MGAT4A: variants seen among roughly 807,000 people sequenced by gnomAD.
MGAT4A encodes alpha-1,3-mannosyl-glycoprotein 4-beta-N-acetylglucosaminyltransferase A.
A neutral mutation model predicts 74.1 loss-of-function variants in MGAT4A; 33 were observed. That is an observed-to-expected ratio of 0.45 (90% CI 0.34 to 0.60). MGAT4A has a LOEUF of 0.60. Among genes scored for constraint, MGAT4A ranks in the 20% least tolerant of loss-of-function variants. The pLI is 0.02. For missense variants in MGAT4A, 479 were observed against 628.3 expected, an observed-to-expected ratio of 0.76 and a Z score of 2.54; for synonymous variants, 198 against 210.4, an observed-to-expected ratio of 0.94 and a Z score of 0.51.
At chr2:98,644,546 T>C (rs1189849877) in intron 9 of MGAT4A, among the ~76,000 whole-genome samples, 1 of 152,222 alleles carries the variant, frequency 6.6e-6, no homozygotes, top group Non-Finnish European at 1.5e-5. Context: ...ATGCTTAAAG[T>C]GTTAAAAAGT....
chr2:98,697,108 TATAA>T (rs1264947386), intron 2 of MGAT4A, among the ~76,000 whole-genome samples: 1 of 152,162 alleles, frequency 6.6e-6, no homozygotes, highest in Non-Finnish European at 1.5e-5. Context: ...CTAAAAGTAA[TATAA>T]ATAGTCTAAA....
chr2:98,661,468 A>T (rs1393547611), intron 5 of MGAT4A, among the ~76,000 whole-genome samples: 1 of 152,208 alleles, frequency 6.6e-6, no homozygotes, highest in Non-Finnish European at 1.5e-5. Flanking sequence ...ATGTATGTGT[A>T]TATATAACTG....
chr2:98,679,890 G>C (rs1490645851), intron 2 of MGAT4A, among the ~76,000 whole-genome samples: 2 of 152,124 alleles, frequency 1.3e-5, no homozygotes, highest in Non-Finnish European at 2.9e-5. Flanking sequence ...TCATTTACTT[G>C]CCTGGAGGTA....
chr2:98,696,846 ACATT>A (rs1702281659), intron 2 of MGAT4A, among the ~76,000 whole-genome samples: 1 of 152,238 alleles, frequency 6.6e-6, no homozygotes, highest in Admixed American at 6.5e-5. Context: ...GCATACCCAT[ACATT>A]AAGAAACGGG....
chr2:98,645,006 AC>A (rs1701464912), intron 9 of MGAT4A, among the ~76,000 whole-genome samples: 1 of 152,222 alleles, frequency 6.6e-6, no homozygotes, highest in African/African-American at 2.4e-5. Flanking sequence ...GAGTGCCCCA[AC>A]TAGTTAAGAG....
intron 11 of MGAT4A, 37 bp from the exon 12 acceptor site, chr2:98,640,038 C>T: frequency 6.4e-7 from 1 of 1,555,336 alleles, no homozygotes; most frequent in Non-Finnish European, 8.8e-7. Context: ...AAATAATACA[C>T]AGCTTATTTA....
chr2:98,650,801 AT>A (rs1323646241), intron 8 of MGAT4A, among the ~76,000 whole-genome samples: 10 of 152,128 alleles, frequency 6.6e-5, no homozygotes, highest in Admixed American at 5.9e-4. Flanking sequence ...AAATACAAAA[AT>A]TAGCTGGGTG....
chr2:98,655,553 A>T, intron 7 of MGAT4A, 33 bp from the exon 8 acceptor site: 1 of 1,429,236 alleles, frequency 7.0e-7, no homozygotes, highest in East Asian at 2.3e-5. Context: ...GTAAGTTAGG[A>T]ATCAGACTCA....
At position 98,684,117 on chromosome 2, in the gene MGAT4A, C is replaced by T. The variant is rs114935835; in HGVS notation, c.95-5646G>A. Among the ~76,000 whole-genome samples, 742 of 152,254 alleles carry T rather than the reference C, an allele frequency of 4.9e-3. 2 individuals carry two copies. Among genetic ancestry groups the T allele is most frequent in the Non-Finnish European group, 9.0e-3 (614 of 68,020 alleles). On this transcript the variant is annotated intron_variant, in intron 2 of 15. Transcript: ENST00000393487. ...TAGACTTTTCTCCATTTATATTTCC[C>T]GTAATACTATACAGCTTTCTTAAGG...
chr2:98,631,363 G>C (rs1701230314), intron 14 of MGAT4A, among the ~76,000 whole-genome samples: 1 of 152,216 alleles, frequency 6.6e-6, no homozygotes, highest in Non-Finnish European at 1.5e-5. Context: ...AAGGTCATGA[G>C]CCCTGGCTAG....
chr2:98,626,371 T>C (rs573929404), intron 14 of MGAT4A, among the ~76,000 whole-genome samples: 65 of 152,252 alleles, frequency 4.3e-4, no homozygotes, highest in Middle Eastern at 3.4e-3. Flanking sequence ...TCCACTATAA[T>C]GACAAGCTAA....
chr2:98,703,955 C>T (rs982435134), intron 2 of MGAT4A, among the ~76,000 whole-genome samples: 2 of 152,176 alleles, frequency 1.3e-5, no homozygotes, highest in African/African-American at 4.8e-5. Context: ...CACTTGTCAT[C>T]GCCTTAGCTT....
At chr2:98,706,624 C>T (rs1702436614) in intron 2 of MGAT4A, among the ~76,000 whole-genome samples, 2 of 149,982 alleles carry the variant, frequency 1.3e-5, no homozygotes, top group South Asian at 2.1e-4. Context: ...CCACTGTGCC[C>T]GGCCTGATGT....
chr2:98,702,006 C>G (rs1239145327), intron 2 of MGAT4A, among the ~76,000 whole-genome samples: 1 of 152,176 alleles, frequency 6.6e-6, no homozygotes, highest in Admixed American at 6.5e-5. Flanking sequence ...CTCACAAATC[C>G]TCTTCCCACA....
chr2:98,682,650 T>C (rs560656106), intron 2 of MGAT4A, among the ~76,000 whole-genome samples: 1 of 152,292 alleles, frequency 6.6e-6, no homozygotes, highest in East Asian at 1.9e-4. Flanking sequence ...AAAGTTAAAG[T>C]TGGCAATAAT....
chr2:98,675,716 T>TA (rs201427916), intron 3 of MGAT4A, among the ~76,000 whole-genome samples: 15 of 151,342 alleles, frequency 9.9e-5, no homozygotes, highest in East Asian at 1.9e-4. Context: ...TCAGCTAATT[T>TA]AAAAAAAAAA....
chr2:98,711,586 T>C (rs1284687598), intron 2 of MGAT4A, among the ~76,000 whole-genome samples: 2 of 152,186 alleles, frequency 1.3e-5, no homozygotes, highest in African/African-American at 4.8e-5. Flanking sequence ...TGTGCTTGTT[T>C]TTATATTGAT....
intron 2 of MGAT4A, among the ~76,000 whole-genome samples, chr2:98,717,366 G>A (rs532894214): frequency 2.5e-3 from 372 of 149,030 alleles, no homozygotes; most frequent in African/African-American, 8.7e-3. Context: ...GCAACATAGC[G>A]AGACTCCATC....
chr2:98,692,125 C>T (rs1702204862), intron 2 of MGAT4A, among the ~76,000 whole-genome samples: 1 of 152,086 alleles, frequency 6.6e-6, no homozygotes, highest in East Asian at 1.9e-4. Context: ...GACAGGGTCT[C>T]GTTTTGTCAC....
Sources: allele counts gnomAD v4.1 joint callset (sites outside exome capture counted in the v4.1 genomes callset), GRCh38; gene constraint gnomAD v4.1.1; transcripts MANE v1.5; gene names NCBI Gene and HGNC (gene_info 2026-07-23, HGNC 2026-07-21).